Variants in PAIP1 observed in about 807,000 individuals in gnomAD.
The protein encoded by PAIP1 is poly(A) binding protein interacting protein 1, also known as polyadenylate-binding protein-interacting protein 1.
In PAIP1, 16 loss-of-function variants were observed where a neutral mutation model predicts 61.3. That is an observed-to-expected ratio of 0.26 (90% CI 0.18 to 0.40). PAIP1 has a LOEUF of 0.40. Among genes scored for constraint, PAIP1 ranks in the 10% least tolerant of loss-of-function variants. The pLI, the probability that PAIP1 is intolerant of heterozygous loss-of-function variation, is 1.00. For missense variants in PAIP1, 416 were observed against 600.9 expected (o/e 0.69, Z 3.22); for synonymous variants, 187 against 226.2 (o/e 0.83, Z 1.56).
chr5:43,556,345 A>C (rs1748071906), intron 1 of PAIP1: 1 of 1,236,220 alleles, frequency 8.1e-7, no homozygotes, highest in Non-Finnish European at 1.0e-6. Flanking sequence ...CGGGACCCCG[A>C]ACTCCGAGAC....
chr5:43,536,989 T>C (rs768407426), intron 5 of PAIP1, 45 bp from the exon 6 acceptor site: 2 of 1,430,878 alleles, frequency 1.4e-6, no homozygotes, highest in South Asian at 1.3e-5. Context: ...TGCCAAAATA[T>C]AATACAGATA....
rs2080066985 is a variant in PAIP1 at position 43,529,960 on chromosome 5, T to C, written c.1253-81A>G. On this transcript the variant is annotated intron_variant, in intron 9 of 10. Coordinates refer to ENST00000306846, the MANE Select transcript of PAIP1 (RefSeq NM_006451.5). ...CCAATCACCCCTAAATGTTTTTTAA[T>C]ATTATGACTTTTGCCCCCCTGCATG... is the stretch of plus-strand genomic sequence containing the variant. The C allele has an allele frequency of 5.5e-6, 4 of 729,910 alleles. No individual in the cohort carries two copies. The South Asian group carries it at 6.1e-5, about 11-fold the overall frequency. 45.2% of individuals were successfully genotyped at this position (729,910 alleles called of 1,614,324 possible).
chr5:43,542,964 TTTAGA>T, intron 4 of PAIP1, 35 bp downstream of exon 4: 1 of 1,030,956 alleles, frequency 9.7e-7, no homozygotes, highest in Non-Finnish European at 1.5e-6. Flanking sequence ...TTCTAGTATA[TTTAGA>T]AGTAGTTTTC....
At chr5:43,539,658 C>T (rs1747318125) in intron 4 of PAIP1, among the ~76,000 whole-genome samples, 1 of 152,110 alleles carries the variant, frequency 6.6e-6, no homozygotes, top group Non-Finnish European at 1.5e-5. Context: ...CTTCAAATAA[C>T]TGATTTTTCC....
chr5:43,543,310 CAAA>C (rs11427976), intron 3 of PAIP1, among the ~76,000 whole-genome samples, 194 bp from the exon 4 acceptor site: 1 of 96,040 alleles, frequency 1.0e-5, no homozygotes, highest in Non-Finnish European at 2.0e-5. Context: ...ACAATAAGTA[CAAA>C]AAAAAAAAAA....
chr5:43,551,178 C>T (rs552204418), intron 2 of PAIP1, among the ~76,000 whole-genome samples: 36 of 152,112 alleles, frequency 2.4e-4, no homozygotes, highest in African/African-American at 8.2e-4. Flanking sequence ...GGACCATGCA[C>T]CAACTTAAGT....
At chr5:43,529,744 G>T in intron 10 of PAIP1, 42 bp downstream of exon 10, 1 of 1,008,054 alleles carries the variant, frequency 9.9e-7, no homozygotes, top group Non-Finnish European at 1.6e-6. Flanking sequence ...CTATAAATTA[G>T]ACACAGAAAT....
At chr5:43,532,263 C>A (rs1417374576) in intron 9 of PAIP1, among the ~76,000 whole-genome samples, 1 of 152,028 alleles carries the variant, frequency 6.6e-6, no homozygotes, top group Non-Finnish European at 1.5e-5. Flanking sequence ...ATTTGTCTTA[C>A]CAGACATAGC....
chr5:43,537,451 TAAAC>T, intron 5 of PAIP1, among the ~76,000 whole-genome samples: 1 of 152,150 alleles, frequency 6.6e-6, no homozygotes. Flanking sequence ...TATTTTGGCT[TAAAC>T]AAAAATTAGA....
chr5:43,556,594 C>T lies in PAIP1; in HGVS notation c.253G>A (p.Gly85Arg), dbSNP rs1035915839. ...AGCTGCTCCGTACCTGGGAGCGCCC[C>T]GGGCCGGGAAGGCCGCTGGGGGCTG... ...PASPQRPSRP[G>R]ALPEQTRPLR... The change falls in exon 1 of 11, where the codon GGG becomes AGG. Residue 85 changes from glycine to arginine, a missense_variant. Transcript: ENST00000306846. The T allele has an allele frequency of 3.2e-6, 4 of 1,252,630 alleles. No homozygotes were observed. Among genetic ancestry groups the T allele is most frequent in the South Asian group, 3.9e-5 (1 of 25,932 alleles). 77.6% of individuals were successfully genotyped at this position (1,252,630 alleles called of 1,614,324 possible).
chr5:43,548,308 G>A lies in PAIP1; in HGVS notation c.436-395C>T, dbSNP rs1287699195. Among the ~76,000 whole-genome samples, 6 of 151,936 alleles carry A rather than the reference G, an allele frequency of 3.9e-5. No individual in the cohort carries two copies. In the East Asian group the frequency reaches 7.7e-4, roughly 19 times the overall value. ...GGACTAGGGATATAAAAACAAGAAC[G>A]GCCACATGTAGCTTACTGTTGAGGC... On this transcript the variant is annotated intron_variant, in intron 2 of 10. Transcript: ENST00000306846.
chr5:43,549,764 G>A (rs1016535438), intron 2 of PAIP1, among the ~76,000 whole-genome samples: 5 of 151,928 alleles, frequency 3.3e-5, no homozygotes, highest in African/African-American at 1.2e-4. Flanking sequence ...CTGTCACCCA[G>A]GCTGGAGTAC....
At chr5:43,552,474 G>A (rs575170326) in intron 2 of PAIP1, among the ~76,000 whole-genome samples, 26 of 152,134 alleles carry the variant, frequency 1.7e-4, no homozygotes, top group Non-Finnish European at 3.4e-4. Context: ...TGGAATAGGC[G>A]GGATTAGCAA....
chr5:43,527,832 T>TA (rs1746767813), intron 10 of PAIP1, among the ~76,000 whole-genome samples: 1 of 152,334 alleles, frequency 6.6e-6, no homozygotes, highest in South Asian at 2.1e-4. Context: ...TAACTATTAA[T>TA]AGAACATAAT....
chr5:43,529,598 G>C (rs531525281), intron 10 of PAIP1, among the ~76,000 whole-genome samples, 188 bp downstream of exon 10: 1 of 152,228 alleles, frequency 6.6e-6, no homozygotes, highest in East Asian at 1.9e-4. Flanking sequence ...CGCCATGTTG[G>C]CCAGGCTGGT....
chr5:43,553,390 A>G (rs1747939625), intron 2 of PAIP1, among the ~76,000 whole-genome samples: 1 of 152,154 alleles, frequency 6.6e-6, no homozygotes, highest in South Asian at 2.1e-4. Flanking sequence ...CATGTGTAGA[A>G]CAAAAGCAGA....
Position 43,556,616 on chromosome 5 carries a change from G to T in PAIP1, c.231C>A (p.Ser77Arg), listed in dbSNP as rs1748094323. The T allele has an allele frequency of 8.7e-6, 11 of 1,257,228 alleles. No homozygotes were observed. The highest frequency in any genetic ancestry group is 1.1e-5 in the Non-Finnish European group (11 of 998,300). 77.9% of individuals were successfully genotyped at this position (1,257,228 alleles called of 1,614,324 possible). Residue 77 changes from serine (S) to arginine (R), a missense_variant, in exon 1 of 11, where the codon AGC becomes AGA. Ser to Arg is a moderately radical substitution (Grantham distance 110, BLOSUM62 -1). Transcript: ENST00000306846. Reference sequence around the variant, plus strand: ...CCCCGGGCCGGGAAGGCCGCTGGGGGCTGGCGGGGACCTCGCACTGGGCCC... The same window carrying T: ...CCCCGGGCCGGGAAGGCCGCTGGGGTCTGGCGGGGACCTCGCACTGGGCCC... ...PPGAQCEVPA[S>R]PQRPSRPGAL... is the part of the protein sequence containing the mutation.
intron 2 of PAIP1, among the ~76,000 whole-genome samples, chr5:43,549,954 C>T (rs1747797963): frequency 6.6e-6 from 1 of 152,120 alleles, no homozygotes; most frequent in Admixed American, 6.5e-5. Context: ...AAACTCCTGA[C>T]CTCAAATGAT....
chr5:43,547,684 A>G (rs779991887), intron 3 of PAIP1, 44 bp downstream of exon 3: 2 of 1,320,536 alleles, frequency 1.5e-6, no homozygotes, highest in Non-Finnish European at 2.1e-6. Flanking sequence ...CTTGGGCTTC[A>G]AGGAAGCTAT....
Sources: allele counts gnomAD v4.1 joint callset (sites outside exome capture counted in the v4.1 genomes callset), GRCh38; gene constraint gnomAD v4.1.1; transcripts MANE v1.5; gene names NCBI Gene and HGNC (gene_info 2026-07-23, HGNC 2026-07-21).